Variants in XRCC5 observed in about 807,000 individuals in gnomAD.
The protein encoded by XRCC5 is DNA repair protein Ku80.
Under a neutral mutation model 95.7 loss-of-function variants are expected in XRCC5, and 12 were observed. The observed-to-expected ratio is 0.13, with a 90% confidence interval of 0.08 to 0.20. The LOEUF is 0.20. Ranked by LOEUF, XRCC5 falls within the 10% of genes least tolerant of loss-of-function variation. XRCC5 has a pLI of 1.00. For missense variants in XRCC5, 595 were observed against 873.9 expected, an observed-to-expected ratio of 0.68 and a Z score of 4.02; for synonymous variants, 281 against 290.3, an observed-to-expected ratio of 0.97 and a Z score of 0.33.
intron 16 of XRCC5, among the ~76,000 whole-genome samples, chr2:216,180,865 T>G (rs1412560756): frequency 6.7e-6 from 1 of 149,524 alleles, no homozygotes; most frequent in Non-Finnish European, 1.5e-5. Context: ...CGGGCTGGAG[T>G]GCAATGGCGC....
At position 216,121,915 on chromosome 2, in the gene XRCC5, G is replaced by T. The variant is rs943326773; in HGVS notation, c.492-147G>T. On this transcript the variant is annotated intron_variant, in intron 5 of 20. Transcript: ENST00000392132. The stretch of plus-strand genomic sequence containing the variant: ...AGAGGTTTCAGTCACTTGAAACTGG[G>T]AGAATATTGGCTAAGGTAGGTAAGA... 4 of 680,162 alleles carry T rather than the reference G, an allele frequency of 5.9e-6. No individual in the cohort carries two copies. In the Admixed American group the frequency reaches 1.3e-4, roughly 22 times the overall value. 42.1% of individuals were successfully genotyped at this position (680,162 alleles called of 1,614,324 possible).
chr2:216,167,273 A>G (rs946680067), intron 16 of XRCC5, among the ~76,000 whole-genome samples: 3 of 152,200 alleles, frequency 2.0e-5, no homozygotes, highest in African/African-American at 7.2e-5. Flanking sequence ...TTGTTCTTCA[A>G]CCTTCTTTAA....
intron 16 of XRCC5, among the ~76,000 whole-genome samples, chr2:216,181,646 G>A (rs929736623): frequency 2.0e-5 from 3 of 152,176 alleles, no homozygotes; most frequent in Non-Finnish European, 2.9e-5. Flanking sequence ...TTTTATTGTA[G>A]TATGACTCAT....
At chr2:216,120,263 A>G (rs1303415323) in intron 5 of XRCC5, among the ~76,000 whole-genome samples, 1 of 152,206 alleles carries the variant, frequency 6.6e-6, no homozygotes, top group Non-Finnish European at 1.5e-5. Context: ...GTCCTTTTTC[A>G]TAATCTCAGG....
At chr2:216,165,410 A>G (rs1471084534) in intron 16 of XRCC5, among the ~76,000 whole-genome samples, 1 of 152,258 alleles carries the variant, frequency 6.6e-6, no homozygotes, top group Non-Finnish European at 1.5e-5. Flanking sequence ...GACTCTCCAC[A>G]GAGCTGTCGG....
chr2:216,156,243 T>C, intron 14 of XRCC5: 1 of 486,334 alleles, frequency 2.1e-6, no homozygotes, highest in Middle Eastern at 6.0e-4. Context: ...AGGTTAAGTT[T>C]CCTTTCAGTC....
At chr2:216,167,258 T>TTGGATTAC (rs1689068468) in intron 16 of XRCC5, among the ~76,000 whole-genome samples, 1 of 152,200 alleles carries the variant, frequency 6.6e-6, no homozygotes, top group Admixed American at 6.5e-5. Context: ...AGAGTCTTTT[T>TTGGATTAC]GCCTTTGTTC....
chr2:216,126,548 G>GC (rs1285441424), intron 7 of XRCC5, among the ~76,000 whole-genome samples: 2 of 152,104 alleles, frequency 1.3e-5, no homozygotes, highest in Non-Finnish European at 2.9e-5. Flanking sequence ...AAAATGAGTT[G>GC]CTTTTGGTGA....
rs1424221594 is a variant in XRCC5, at chr2:216,114,709, C to CAGGA, written c.135+1580_135+1581insAGGA. On this transcript the variant is annotated intron_variant, in intron 2 of 20. Transcript: ENST00000392132. ...GATTGGTGTCAGGAATTACAGGAAT[C>CAGGA]TTAACAGACAGAAAACACCTGGAGT... Among the ~76,000 whole-genome samples the CAGGA allele has an allele frequency of 5.9e-5, 9 of 152,276 alleles. No homozygotes were observed. The South Asian group carries it at 1.7e-3, about 28-fold the overall frequency.
intron 10 of XRCC5, among the ~76,000 whole-genome samples, chr2:216,136,181 A>G (rs1013216487): frequency 2.6e-5 from 4 of 151,818 alleles, no homozygotes; most frequent in African/African-American, 9.7e-5. Context: ...ACATGGAGAA[A>G]CCTCGTCTCT....
intron 16 of XRCC5, 86 bp downstream of exon 16, chr2:216,162,134 T>C: frequency 7.7e-7 from 1 of 1,303,350 alleles, no homozygotes; most frequent in African/African-American, 1.5e-5. Flanking sequence ...AGCCTTTTGT[T>C]GTAACACTTT....
intron 16 of XRCC5, among the ~76,000 whole-genome samples, chr2:216,169,181 A>G (rs1305466532): frequency 1.3e-5 from 2 of 152,230 alleles, no homozygotes; most frequent in East Asian, 3.9e-4. Flanking sequence ...CTAAACATAC[A>G]TATTCAGCAG....
In XRCC5 at chr2:216,190,218, GT is replaced by G. The variant is rs1443602069; in HGVS notation, c.1835-3del. 1 of 1,612,784 alleles carries G rather than the reference GT, an allele frequency of 6.2e-7. No homozygotes were observed. Among genetic ancestry groups the G allele is most frequent in the Non-Finnish European group, 8.5e-7 (1 of 1,179,444 alleles). The stretch of plus-strand genomic sequence containing the variant: ...AATCTAAGAAAATTTGTTGTCTTAT[GT>G]TTTAGCGAGTAACCAGCTCATAAAT... On this transcript the variant is annotated splice_polypyrimidine_tract_variant and splice_region_variant and intron_variant, in intron 16 of 20. Transcript: ENST00000392132.
intron 15 of XRCC5, 116 bp downstream of exon 15, chr2:216,160,277 C>T: frequency 1.6e-6 from 1 of 619,566 alleles, no homozygotes. Context: ...ATCATGATCA[C>T]TTTCTCTGGT....
chr2:216,146,684 G>A (rs1459113933), intron 13 of XRCC5, among the ~76,000 whole-genome samples: 1 of 151,666 alleles, frequency 6.6e-6, no homozygotes, highest in African/African-American at 2.4e-5. Flanking sequence ...CCTTTTCTGG[G>A]CAGGCCAAGG....
chr2:216,120,126 G>C (rs187355963), intron 5 of XRCC5, among the ~76,000 whole-genome samples: 56 of 152,284 alleles, frequency 3.7e-4, no homozygotes, highest in Non-Finnish European at 7.2e-4. Flanking sequence ...TGGAAAAAGA[G>C]TTCAGAATAA....
chr2:216,160,935 C>T (rs377084556), intron 15 of XRCC5, among the ~76,000 whole-genome samples: 23 of 152,142 alleles, frequency 1.5e-4, no homozygotes, highest in African/African-American at 5.3e-4. Context: ...CTCAAGCAAT[C>T]CTCCCGCTTC....
At chr2:216,197,551 C>T (rs890711379) in intron 19 of XRCC5, among the ~76,000 whole-genome samples, 3 of 151,916 alleles carry the variant, frequency 2.0e-5, no homozygotes, top group African/African-American at 4.8e-5. Context: ...ACTTCAGCCA[C>T]GGGTTGCCTG....
At chr2:216,110,540 T>C (rs1696567589) in intron 1 of XRCC5, 1 of 152,236 alleles carries the variant, frequency 6.6e-6, no homozygotes, top group Non-Finnish European at 1.5e-5. Context: ...TCTAACAGCC[T>C]GTATTGCTTC....
Sources: allele counts gnomAD v4.1 joint callset (sites outside exome capture counted in the v4.1 genomes callset), GRCh38; gene constraint gnomAD v4.1.1; transcripts MANE v1.5; gene names NCBI Gene and HGNC (gene_info 2026-07-23, HGNC 2026-07-21).